The following SYCP2 variants were observed in gnomAD, a reference collection of about 807,000 sequenced individuals.
SYCP2 encodes the protein synaptonemal complex lateral element protein.
A neutral mutation model predicts 211.3 loss-of-function variants in SYCP2; 55 were observed. That is an observed-to-expected ratio of 0.26 (90% CI 0.21 to 0.33). The LOEUF (loss-of-function observed/expected upper bound fraction) is 0.33. SYCP2 is among the 10% of genes least tolerant of loss of function. The probability of loss-of-function intolerance (pLI) is 1.00; values close to 1 mark genes in which losing one functional copy is unlikely to be tolerated. For synonymous variants in SYCP2, 570 were observed against 555.2 expected (o/e 1.03, Z -0.37); for missense variants, 1,731 against 1,752.0 (o/e 0.99, Z 0.21).
In SYCP2 at chr20:59,868,567, G is replaced by A. The variant is rs200765895; in HGVS notation, c.3834C>T (p.Gly1278=). The change falls in exon 38 of 45, where the codon GGC becomes GGT. Residue 1278 remains glycine, a splice_region_variant and synonymous_variant. Transcript: ENST00000357552. ...DMPCDATHVS[G]PTQHLSRKRI... is the part of the protein sequence containing the mutation. ...TTTTGCGACTAAGATGTTGGGTGGGGCCTTAGGAACAGTTAAAGAAAGTTA... is the reference window on the plus strand; with the variant it reads ...TTTTGCGACTAAGATGTTGGGTGGGACCTTAGGAACAGTTAAAGAAAGTTA... The A allele has an allele frequency of 6.3e-7, 1 of 1,593,594 alleles. No homozygotes were observed. The highest frequency in any genetic ancestry group is 8.5e-7 in the Non-Finnish European group (1 of 1,174,368).
intron 26 of SYCP2, among the ~76,000 whole-genome samples, chr20:59,883,896 G>A (rs2059735655): frequency 6.6e-6 from 1 of 151,856 alleles, no homozygotes. Context: ...GCTAAGAGTA[G>A]ATTTTATGCG....
chr20:59,884,752 G>A (rs1180510452), intron 26 of SYCP2, among the ~76,000 whole-genome samples: 2 of 151,910 alleles, frequency 1.3e-5, no homozygotes, highest in Admixed American at 6.6e-5. Flanking sequence ...AGATGTTAAA[G>A]AAGGTAAGCA....
At chr20:59,874,097 C>T (rs1417326572) in intron 34 of SYCP2, 36 bp from the exon 35 acceptor site, 4 of 1,170,058 alleles carry the variant, frequency 3.4e-6, no homozygotes, top group Non-Finnish European at 4.8e-6. Context: ...AAATAGATGG[C>T]AAGCGTTATC....
At chr20:59,898,609 T>C (rs996904057) in intron 18 of SYCP2, among the ~76,000 whole-genome samples, 43 of 152,096 alleles carry the variant, frequency 2.8e-4, no homozygotes, top group Non-Finnish European at 2.5e-4. Context: ...ATACCTAATG[T>C]AGATGACAGG....
chr20:59,889,768 A>T (rs1176891035), intron 24 of SYCP2, among the ~76,000 whole-genome samples: 3 of 152,056 alleles, frequency 2.0e-5, no homozygotes, highest in Non-Finnish European at 4.4e-5. Flanking sequence ...CAGCCTGGGA[A>T]ATCTGTGCCA....
chr20:59,912,188 G>A, intron 13 of SYCP2, 185 bp downstream of exon 13: 1 of 436,434 alleles, frequency 2.3e-6, no homozygotes. Context: ...GTTATTCTTG[G>A]CAATGAATAT....
At chr20:59,871,771 T>C (rs889758817) in intron 35 of SYCP2, among the ~76,000 whole-genome samples, 4 of 151,888 alleles carry the variant, frequency 2.6e-5, no homozygotes, top group Admixed American at 2.6e-4. Flanking sequence ...CCTAATACAA[T>C]GTAAATACTC....
intron 10 of SYCP2, 44 bp from the exon 11 acceptor site, chr20:59,914,295 T>C (rs1039998205): frequency 1.6e-6 from 2 of 1,244,260 alleles, no homozygotes; most frequent in African/African-American, 1.5e-5. Flanking sequence ...TTATGAAAAT[T>C]AAGTTTATAA....
chr20:59,874,828 C>A (rs773471505), intron 34 of SYCP2, among the ~76,000 whole-genome samples: 3 of 151,930 alleles, frequency 2.0e-5, no homozygotes, highest in Non-Finnish European at 2.9e-5. Context: ...AAAAGCATAA[C>A]CTCAACTGTA....
Position 59,923,984 on chromosome 20 carries a change from G to A in SYCP2, c.-46-1525C>T, listed in dbSNP as rs1158160744. ...AGTAAGAATGTCACCCTCCCAATAT[G>A]CTGCTCTGACATATTGACTATTTTA... On this transcript the variant is annotated intron_variant, in intron 2 of 44. Coordinates refer to ENST00000357552, the MANE Select transcript of SYCP2 (RefSeq NM_014258.4). Among the ~76,000 whole-genome samples the A allele has an allele frequency of 2.6e-5, 4 of 151,788 alleles. No homozygotes were observed. The East Asian group carries it at 5.8e-4, about 22-fold the overall frequency.
intron 37 of SYCP2, 32 bp downstream of exon 37, chr20:59,868,803 A>AT (rs779298803): frequency 6.5e-7 from 1 of 1,545,030 alleles, no homozygotes; most frequent in South Asian, 1.2e-5. Flanking sequence ...TTCAGTAATC[A>AT]TTTTTTAAAA....
At chr20:59,930,971 T>A in intron 2 of SYCP2, among the ~76,000 whole-genome samples, 1 of 152,348 alleles carries the variant, frequency 6.6e-6, no homozygotes, top group East Asian at 1.9e-4. Context: ...GTCTTCATTA[T>A]AACATGATTT....
At position 59,919,113 on chromosome 20, in the gene SYCP2, A is replaced by C. The variant is rs202108424; in HGVS notation, c.427+45T>G. 3.9e-6 allele frequency: 4 copies of C among 1,013,322 alleles called. No homozygotes were observed. In the East Asian group the frequency reaches 1.0e-4, roughly 26 times the overall value. The allele number at this position is 1,013,322 out of a possible 1,614,324, so 62.8% of individuals were successfully genotyped here. ...ATTGTAAAATTATACTAAAACTCTA[A>C]CAGTAAAATTTATTGTTCCAATAGA... is the stretch of plus-strand genomic sequence containing the variant. On this transcript the variant is annotated intron_variant, in intron 7 of 44. Transcript: ENST00000357552.
intron 31 of SYCP2, among the ~76,000 whole-genome samples, chr20:59,879,852 TATATATATATACACAC>T (rs1568922084): frequency 1.6e-4 from 16 of 101,050 alleles, no homozygotes; most frequent in African/African-American, 6.8e-4. Context: ...TATATATATA[TATATATATATACACAC>T]ACACACACAC....
intron 9 of SYCP2, 64 bp downstream of exon 9, chr20:59,915,401 G>T: frequency 1.7e-6 from 2 of 1,186,210 alleles, no homozygotes; most frequent in Non-Finnish European, 1.2e-6. Flanking sequence ...ACTCATAGTT[G>T]TCTGTCTTAT....
chr20:59,907,537 G>A, intron 14 of SYCP2, 113 bp from the exon 15 acceptor site: 1 of 772,444 alleles, frequency 1.3e-6, no homozygotes. Context: ...TAGTCACTAA[G>A]TAACTAGTTT....
At chr20:59,923,957 GAAGT>G (rs1451864548) in intron 2 of SYCP2, among the ~76,000 whole-genome samples, 4 of 151,818 alleles carry the variant, frequency 2.6e-5, no homozygotes, top group Admixed American at 6.6e-5. Flanking sequence ...ATACTCTGAA[GAAGT>G]AAGAATGTCA....
At chr20:59,928,245 T>G (rs1169796128) in intron 2 of SYCP2, among the ~76,000 whole-genome samples, 2 of 152,156 alleles carry the variant, frequency 1.3e-5, no homozygotes, top group African/African-American at 4.8e-5. Context: ...CTTTTTATAT[T>G]AGCAATAATC....
At chr20:59,872,145 C>T (rs1378646554) in intron 35 of SYCP2, among the ~76,000 whole-genome samples, 1 of 151,864 alleles carries the variant, frequency 6.6e-6, no homozygotes, top group Non-Finnish European at 1.5e-5. Flanking sequence ...CACAATGGTC[C>T]CTCTTAGCTG....
Sources: allele counts gnomAD v4.1 joint callset (sites outside exome capture counted in the v4.1 genomes callset), GRCh38; gene constraint gnomAD v4.1.1; transcripts MANE v1.5; gene names NCBI Gene and HGNC (gene_info 2026-07-23, HGNC 2026-07-21).